Variants in MCTP2 observed in about 807,000 individuals in gnomAD.
The protein encoded by MCTP2 is multiple C2 and transmembrane domain-containing protein 2.
MCTP2 carries 132 observed loss-of-function variants against 111.6 expected under a neutral mutation model. The observed-to-expected ratio is 1.18, with a 90% CI of 1.03 to 1.37. The LOEUF is 1.37. Among genes scored for constraint, MCTP2 ranks in the 40% most tolerant of loss-of-function variants. The pLI is 0.00. For synonymous variants in MCTP2, 395 were observed against 387.7 expected (o/e 1.02, Z -0.22); for missense variants, 1,183 against 1,067.9 (o/e 1.11, Z -1.50).
At chr15:94,329,844 C>T (rs1229191363) in intron 4 of MCTP2, among the ~76,000 whole-genome samples, 1 of 152,164 alleles carries the variant, frequency 6.6e-6, no homozygotes, top group South Asian at 2.1e-4. Context: ...TCTCTTAATA[C>T]ATTTTTAATA....
chr15:94,298,419 G>C lies in MCTP2; in HGVS notation c.154G>C (p.Val52Leu). 1 of 1,614,190 alleles carries C rather than the reference G, an allele frequency of 6.2e-7. No homozygotes were observed. ...HHLDRRLSLS[V>L]PDLLEAEALA... is the part of the protein sequence containing the mutation. ...CTTGGACCGCCGTCTCAGCCTCTCT[G>C]TGCCTGATCTCCTGGAGGCTGAGGC... Residue 52 changes from valine to leucine, a missense_variant, in exon 2 of 23, where the codon GTG becomes CTG. Transcript: ENST00000357742.
At chr15:94,363,387 A>G (rs1303012622) in intron 10 of MCTP2, among the ~76,000 whole-genome samples, 1 of 152,098 alleles carries the variant, frequency 6.6e-6, no homozygotes, top group Non-Finnish European at 1.5e-5. Flanking sequence ...TTAGAATGGA[A>G]GCGGAGGCTT....
At chr15:94,399,248 A>C (rs2081432252) in intron 15 of MCTP2, among the ~76,000 whole-genome samples, 186 bp downstream of exon 15, 1 of 152,180 alleles carries the variant, frequency 6.6e-6, no homozygotes, top group Non-Finnish European at 1.5e-5. Context: ...CTTCTGGAAA[A>C]CGTTTGTGTA....
At chr15:94,341,467 T>A (rs1438895226) in intron 7 of MCTP2, 1 of 152,276 alleles carries the variant, frequency 6.6e-6, no homozygotes. Context: ...GATGATGACT[T>A]ATTTGAAAAG....
intron 1 of MCTP2, among the ~76,000 whole-genome samples, chr15:94,276,012 A>AT (rs540790153): frequency 3.4e-4 from 52 of 151,954 alleles, no homozygotes; most frequent in South Asian, 3.3e-3. Flanking sequence ...TGCCCAGCTA[A>AT]TTTTTGTATT....
At chr15:94,288,506 A>G (rs2074872574) in intron 1 of MCTP2, among the ~76,000 whole-genome samples, 2 of 152,254 alleles carry the variant, frequency 1.3e-5, no homozygotes, top group Non-Finnish European at 2.9e-5. Context: ...AATTGGAACC[A>G]TAGCCAACAG....
intron 20 of MCTP2, among the ~76,000 whole-genome samples, chr15:94,469,391 C>A (rs1394157959): frequency 6.6e-6 from 1 of 152,184 alleles, no homozygotes; most frequent in Non-Finnish European, 1.5e-5. Context: ...CAAAAGGAGC[C>A]AGGAGCTCTG....
chr15:94,301,254 C>T (rs941139764), intron 2 of MCTP2, among the ~76,000 whole-genome samples: 6 of 152,092 alleles, frequency 3.9e-5, no homozygotes, highest in Admixed American at 2.6e-4. Context: ...TTGCAGAGGA[C>T]GGAGGGACGG....
intron 18 of MCTP2, among the ~76,000 whole-genome samples, chr15:94,440,952 G>A (rs995839378): frequency 6.6e-6 from 1 of 151,986 alleles, no homozygotes; most frequent in African/African-American, 2.4e-5. Flanking sequence ...CACCCCATAA[G>A]ATCTTTTTCT....
chr15:94,470,540 T>C, intron 21 of MCTP2, 98 bp downstream of exon 21: 2 of 938,874 alleles, frequency 2.1e-6, no homozygotes, highest in Non-Finnish European at 3.5e-6. Flanking sequence ...GTGCTCTTGT[T>C]GGCAATTAAA....
At chr15:94,390,238 T>C (rs1016979165) in intron 14 of MCTP2, among the ~76,000 whole-genome samples, 3 of 151,680 alleles carry the variant, frequency 2.0e-5, no homozygotes, top group South Asian at 2.1e-4. Flanking sequence ...TATATAGATA[T>C]AGAATACTTT....
At chr15:94,372,521 T>G (rs1448739722) in intron 12 of MCTP2, among the ~76,000 whole-genome samples, 1 of 152,226 alleles carries the variant, frequency 6.6e-6, no homozygotes, top group Non-Finnish European at 1.5e-5. Context: ...TCAGCGATCG[T>G]GGCCTACGGT....
rs1400597687 is a variant in MCTP2, at chr15:94,470,313, T to C, written c.2361-20T>C. The C allele has an allele frequency of 2.6e-6, 4 of 1,511,850 alleles. No individual in the cohort carries two copies. The highest frequency in any genetic ancestry group is 3.7e-6 in the Non-Finnish European group (4 of 1,087,360). The allele number at this position is 1,511,850 out of a possible 1,614,324, so 93.7% of individuals were successfully genotyped here. A position where few individuals can be genotyped will look rare whatever the true frequency, so the allele number is the denominator to read the frequency against. On this transcript the variant is annotated intron_variant, in intron 20 of 22. Coordinates refer to ENST00000357742, the MANE Select transcript of MCTP2 (RefSeq NM_001385001.1). ...TTGTTGAACATCAGAGGAAATTATA[T>C]TTATGTGGTTTGTCTACAGCACATT...
chr15:94,243,968 CAT>C (rs552170523), intron 1 of MCTP2, among the ~76,000 whole-genome samples: 120 of 145,284 alleles, frequency 8.3e-4, no homozygotes, highest in East Asian at 1.3e-3. Context: ...TTTACACACA[CAT>C]ATGTATACAC....
At chr15:94,243,549 A>T (rs2071301817) in intron 1 of MCTP2, among the ~76,000 whole-genome samples, 4 of 149,044 alleles carry the variant, frequency 2.7e-5, no homozygotes, top group African/African-American at 9.9e-5. Flanking sequence ...GTGCATACGT[A>T]TGCGTATATG....
At position 94,385,425 on chromosome 15, in the gene MCTP2, C is replaced by CCATTAAA. The variant is rs762845550; in HGVS notation, c.1689_1695dup (p.Asp566HisfsTer2). On this transcript the variant is annotated frameshift_variant, in exon 14 of 23. Coordinates refer to ENST00000357742, the MANE Select transcript of MCTP2 (RefSeq NM_001385001.1). LOFTEE classifies it high-confidence loss of function. ...AATACATGGTATTTTTGTTACAGTC[C>CCATTAAA]CATTAAAGATATCCATGATGTTTTG... 5.6e-6 allele frequency: 9 copies of CCATTAAA among 1,602,128 alleles called. No homozygotes were observed. The South Asian group carries it at 9.9e-5, about 18-fold the overall frequency.
Position 94,267,488 on chromosome 15 carries a change from A to T in MCTP2, c.-65-30713A>T, listed in dbSNP as rs2073609010. Among the ~76,000 whole-genome samples the T allele has an allele frequency of 2.0e-5, 3 of 152,194 alleles. No homozygotes were observed. In the South Asian group the frequency reaches 6.2e-4, roughly 32 times the overall value. ...AGTTAATGGAAAGATGGATTTTTTAAAGTTTTTGACAACTTTGAATAGTTT... is the reference window on the plus strand; with the variant it reads ...AGTTAATGGAAAGATGGATTTTTTATAGTTTTTGACAACTTTGAATAGTTT... On this transcript the variant is annotated intron_variant, in intron 1 of 22. Transcript: ENST00000357742.
At chr15:94,236,577 A>G (rs1377436651) in intron 1 of MCTP2, among the ~76,000 whole-genome samples, 1 of 151,850 alleles carries the variant, frequency 6.6e-6, no homozygotes, top group Non-Finnish European at 1.5e-5. Flanking sequence ...ATTTGAGTTT[A>G]TGGTAGGCAG....
intron 4 of MCTP2, among the ~76,000 whole-genome samples, chr15:94,319,439 G>A (rs1312020632): frequency 1.3e-5 from 2 of 152,180 alleles, no homozygotes; most frequent in Non-Finnish European, 2.9e-5. Flanking sequence ...AAGAGTCTTA[G>A]GAACTAATGA....
Sources: gnomAD v4.1 joint callset for allele counts (sites outside exome capture counted in the v4.1 genomes callset) on GRCh38, gnomAD v4.1.1 for gene constraint, MANE v1.5 for transcripts, NCBI Gene and HGNC (gene_info 2026-07-23, HGNC 2026-07-21) for gene names.